Variants in TMEM233 observed in about 807,000 individuals in gnomAD.
The protein encoded by TMEM233 is transmembrane protein 233, also known as dispanin subfamily B member 2.
Under a neutral mutation model 11.2 loss-of-function variants are expected in TMEM233, and 6 were observed. That is an observed-to-expected ratio of 0.54 (90% CI 0.29 to 1.06). The LOEUF (loss-of-function observed/expected upper bound fraction) is 1.06, where lower values mean the gene tolerates loss of function less well. Ranked by LOEUF, TMEM233 falls within the 50% of genes least tolerant of loss-of-function variation. The probability of loss-of-function intolerance (pLI) is 0.08; values close to 1 mark genes in which losing one functional copy is unlikely to be tolerated. For synonymous variants in TMEM233, 59 were observed against 55.8 expected, an observed-to-expected ratio of 1.06 and a Z score of -0.26; for missense variants, 127 against 144.7, an observed-to-expected ratio of 0.88 and a Z score of 0.63.
intron 1 of TMEM233, among the ~76,000 whole-genome samples, chr12:119,606,963 C>T (rs1463265213): frequency 6.6e-6 from 1 of 152,156 alleles, no homozygotes; most frequent in East Asian, 1.9e-4. Flanking sequence ...ACAGGGAAAG[C>T]TTGGGTGAAG....
At chr12:119,607,484 T>G (rs961724019) in intron 1 of TMEM233, among the ~76,000 whole-genome samples, 13 of 152,192 alleles carry the variant, frequency 8.5e-5, no homozygotes, top group African/African-American at 3.1e-4. Context: ...ATCAAAAGTT[T>G]TAATATTTTC....
intron 1 of TMEM233, among the ~76,000 whole-genome samples, chr12:119,620,815 C>A (rs1005086644): frequency 6.6e-6 from 1 of 152,080 alleles, no homozygotes; most frequent in African/African-American, 2.4e-5. Flanking sequence ...AAGTTGCCCA[C>A]CCCATATTAA....
intron 1 of TMEM233, among the ~76,000 whole-genome samples, chr12:119,623,119 T>C (rs1364461682): frequency 6.6e-6 from 1 of 152,174 alleles, no homozygotes; most frequent in Non-Finnish European, 1.5e-5. Flanking sequence ...TCATGGGCAA[T>C]GCACAGGTGA....
chr12:119,635,441 G>A (rs1593311038), intron 2 of TMEM233, among the ~76,000 whole-genome samples: 1 of 152,186 alleles, frequency 6.6e-6, no homozygotes, highest in Admixed American at 6.5e-5. Flanking sequence ...GTGTGGACAT[G>A]TGCCAACAAA....
chr12:119,623,526 G>A (rs1358481177), intron 1 of TMEM233, among the ~76,000 whole-genome samples: 1 of 145,530 alleles, frequency 6.9e-6, no homozygotes, highest in African/African-American at 2.6e-5. Context: ...TGGACAACAT[G>A]GCAAAACCCC....
At chr12:119,629,027 G>A (rs988100010) in intron 1 of TMEM233, among the ~76,000 whole-genome samples, 14 of 152,342 alleles carry the variant, frequency 9.2e-5, no homozygotes, top group African/African-American at 3.4e-4. Flanking sequence ...TAGTGAACAA[G>A]ACAGACATAC....
At chr12:119,612,449 C>T (rs1386429313) in intron 1 of TMEM233, among the ~76,000 whole-genome samples, 2 of 151,900 alleles carry the variant, frequency 1.3e-5, no homozygotes, top group Non-Finnish European at 2.9e-5. Flanking sequence ...ACCCCGTCTT[C>T]AAAAAATACA....
chr12:119,598,959 G>A (rs1405248380), intron 1 of TMEM233, among the ~76,000 whole-genome samples: 1 of 152,160 alleles, frequency 6.6e-6, no homozygotes, highest in African/African-American at 2.4e-5. Context: ...AGACGTGTCT[G>A]TTCTAGAGAT....
chr12:119,617,939 G>A (rs1954568387), intron 1 of TMEM233, among the ~76,000 whole-genome samples: 1 of 152,248 alleles, frequency 6.6e-6, no homozygotes, highest in African/African-American at 2.4e-5. Flanking sequence ...ATGTCTCCAT[G>A]GCATGTTAGA....
intron 2 of TMEM233, among the ~76,000 whole-genome samples, chr12:119,636,970 T>C (rs1245671989): frequency 2.0e-5 from 3 of 152,142 alleles, no homozygotes; most frequent in Non-Finnish European, 1.5e-5. Flanking sequence ...GACTGTTCCT[T>C]GGGTTGAGAG....
At chr12:119,644,478 CT>C (rs58075242), downstream of TMEM233, among the ~76,000 whole-genome samples, 39,633 of 126,336 alleles carry the variant, frequency 0.31, 4,955 homozygotes, top group East Asian at 0.53. Flanking sequence ...TTTTTCTTTT[CT>C]TTTTTTTTTT....
chr12:119,612,141 G>A (rs1350310246), intron 1 of TMEM233, among the ~76,000 whole-genome samples: 1 of 151,990 alleles, frequency 6.6e-6, no homozygotes, highest in East Asian at 1.9e-4. Context: ...CTACAGGCAC[G>A]TGGCACCATG....
intron 1 of TMEM233, among the ~76,000 whole-genome samples, chr12:119,628,452 C>T (rs1161728601): frequency 1.3e-5 from 2 of 149,672 alleles, no homozygotes; most frequent in South Asian, 2.1e-4. Context: ...TGAGCCAGCA[C>T]GCCCGGCCTA....
At chr12:119,612,187 G>A (rs1471355862) in intron 1 of TMEM233, among the ~76,000 whole-genome samples, 1 of 151,866 alleles carries the variant, frequency 6.6e-6, no homozygotes, top group African/African-American at 2.4e-5. Context: ...TAGAGATGAG[G>A]TTTCACCTTG....
At chr12:119,612,513 C>A (rs1954420616) in intron 1 of TMEM233, among the ~76,000 whole-genome samples, 1 of 152,108 alleles carries the variant, frequency 6.6e-6, no homozygotes, top group Admixed American at 6.5e-5. Context: ...CTTTGGGAGG[C>A]TGAGGCAGGC....
At position 119,641,597 on chromosome 12, in the gene TMEM233, CT is replaced by C. The variant is rs903713111; in HGVS notation, c.*896del. Reference sequence around the variant, plus strand: ...CCTGGAAATGCCACCCATTGTGTTTCTTTTCTGTCAAATGTAAACCCTTTAG... The same window carrying C: ...CCTGGAAATGCCACCCATTGTGTTTCTTTCTGTCAAATGTAAACCCTTTAG... On this transcript the variant is annotated 3_prime_UTR_variant, in exon 3 of 3. Transcript: ENST00000426426. 1 of 151,860 alleles carries C rather than the reference CT, an allele frequency of 6.6e-6. No individual in the cohort carries two copies. Among genetic ancestry groups the C allele is most frequent in the African/African-American group, 2.4e-5 (1 of 41,336 alleles). The allele number at this position is 151,860 out of a possible 1,614,324, so 9.4% of individuals were successfully genotyped here.
intron 1 of TMEM233, among the ~76,000 whole-genome samples, chr12:119,621,024 G>A (rs1414691298): frequency 6.7e-6 from 1 of 149,014 alleles, no homozygotes; most frequent in African/African-American, 2.5e-5. Flanking sequence ...GGGACTACAG[G>A]TACATGCCAC....
At position 119,631,530 on chromosome 12, in the gene TMEM233, G is replaced by A. The variant is rs1954885785; in HGVS notation, c.323+1658G>A. On this transcript the variant is annotated intron_variant, in intron 2 of 2. Coordinates refer to ENST00000426426, the MANE Select transcript of TMEM233 (RefSeq NM_001136534.3). ...ACTCAAACATGAAAGGAAACTCAAG[G>A]TTTCTTGCCTGCAGGATGGCAAATT... The A allele has an allele frequency of 3.0e-6, 3 of 985,352 alleles. No individual in the cohort carries two copies. The Admixed American group carries it at 1.8e-4, about 61-fold the overall frequency. 61.0% of individuals were successfully genotyped at this position (985,352 alleles called of 1,614,324 possible).
intron 1 of TMEM233, among the ~76,000 whole-genome samples, chr12:119,623,931 T>C (rs1248051939): frequency 6.6e-6 from 1 of 152,226 alleles, no homozygotes; most frequent in Non-Finnish European, 1.5e-5. Context: ...GATCTCTGAA[T>C]TTCAAGCCCA....
Sources: gnomAD v4.1 joint callset for allele counts (sites outside exome capture counted in the v4.1 genomes callset) on GRCh38, gnomAD v4.1.1 for gene constraint, MANE v1.5 for transcripts, NCBI Gene and HGNC (gene_info 2026-07-23, HGNC 2026-07-21) for gene names.